The following STRN3 variants were observed in gnomAD, a reference collection of about 807,000 sequenced individuals.
The protein encoded by STRN3 is striatin 3, also known as striatin-3.
In STRN3, 29 loss-of-function variants were observed where a neutral mutation model predicts 95.6. The observed-to-expected ratio is 0.30, with a 90% CI of 0.23 to 0.41. STRN3 has a LOEUF of 0.41. STRN3 is among the 10% of genes least tolerant of loss of function. The pLI, the probability that STRN3 is intolerant of heterozygous loss-of-function variation, is 1.00. For synonymous variants in STRN3, 331 were observed against 357.6 expected (o/e 0.93, Z 0.84); for missense variants, 890 against 972.1 (o/e 0.92, Z 1.12).
At position 31,026,379 on chromosome 14, in the gene STRN3, T is replaced by C; in HGVS notation, c.-194A>G. The C allele has an allele frequency of 5.1e-6, 1 of 195,068 alleles. No homozygotes were observed. Among genetic ancestry groups the C allele is most frequent in the Non-Finnish European group, 9.5e-6 (1 of 105,436 alleles). 12.1% of individuals were successfully genotyped at this position (195,068 alleles called of 1,614,324 possible). A position where few individuals can be genotyped will look rare whatever the true frequency, so the allele number is the denominator to read the frequency against. ...CCGCCATTACAATCCCTCCTCCATCTGCCCGTCTCACTCACTCACTTTAGG... is the reference window on the plus strand; with the variant it reads ...CCGCCATTACAATCCCTCCTCCATCCGCCCGTCTCACTCACTCACTTTAGG... On this transcript the variant is annotated 5_prime_UTR_variant, in exon 1 of 18. Transcript: ENST00000357479.
intron 1 of STRN3, among the ~76,000 whole-genome samples, chr14:30,997,588 AC>A (rs551846304): frequency 5.8e-4 from 88 of 152,116 alleles, no homozygotes; most frequent in African/African-American, 2.1e-3. Flanking sequence ...CCTCCTGACC[AC>A]CCTGGAGGGC....
At chr14:30,950,980 A>T in intron 3 of STRN3, 36 bp from the exon 4 acceptor site, 1 of 1,557,680 alleles carries the variant, frequency 6.4e-7, no homozygotes. Flanking sequence ...TACATACTTT[A>T]TTTCGACTCC....
At chr14:30,971,179 G>T (rs1001909445) in intron 1 of STRN3, among the ~76,000 whole-genome samples, 2 of 152,236 alleles carry the variant, frequency 1.3e-5, no homozygotes, top group Admixed American at 1.3e-4. Flanking sequence ...TCCCCGAGCA[G>T]ATGTGTGGTG....
chr14:30,932,620 T>A (rs2139063124), intron 7 of STRN3, among the ~76,000 whole-genome samples: 1 of 152,318 alleles, frequency 6.6e-6, no homozygotes, highest in East Asian at 1.9e-4. Context: ...ACACAGGTAC[T>A]GTCAAATATT....
intron 1 of STRN3, among the ~76,000 whole-genome samples, chr14:31,023,832 CA>C (rs4011677): frequency 7.0e-6 from 1 of 143,452 alleles, no homozygotes; most frequent in Non-Finnish European, 1.5e-5. Flanking sequence ...ATATATAACT[CA>C]AAAAAAAAAA....
At chr14:30,939,571 T>C (rs1488254516) in intron 5 of STRN3, among the ~76,000 whole-genome samples, 3 of 152,144 alleles carry the variant, frequency 2.0e-5, no homozygotes, top group African/African-American at 7.2e-5. Context: ...TCTTTTGCTG[T>C]TGCTGCTGTT....
rs191203183 is a variant in STRN3, at chr14:30,932,986, T to C, written c.988+2177A>G. Among the ~76,000 whole-genome samples the C allele has an allele frequency of 2.9e-4, 44 of 152,064 alleles. 1 individual carries two copies. The highest frequency in any genetic ancestry group is 1.0e-3 in the Admixed American group (16 of 15,264). ...CAGAATGTTATCCAGCTATTAAAAA[T>C]GATGCTGACTGGGCATGGTGGCTCA... On this transcript the variant is annotated intron_variant, in intron 7 of 17. Coordinates refer to ENST00000357479, the MANE Select transcript of STRN3 (RefSeq NM_001083893.2).
chr14:30,914,291 CAAT>C (rs1025964943), intron 9 of STRN3, among the ~76,000 whole-genome samples: 4 of 152,196 alleles, frequency 2.6e-5, no homozygotes, highest in African/African-American at 9.6e-5. Flanking sequence ...CTTCCACCAA[CAAT>C]GTCAGTTTCC....
chr14:30,977,791 C>CT (rs1384897460), intron 1 of STRN3, among the ~76,000 whole-genome samples: 2 of 45,438 alleles, frequency 4.4e-5, no homozygotes, highest in Non-Finnish European at 8.4e-5. Flanking sequence ...AAGACTCTAT[C>CT]TCGAAAAAAA....
chr14:30,953,766 A>G (rs8018402), intron 3 of STRN3, among the ~76,000 whole-genome samples: 98,318 of 151,910 alleles, frequency 0.65, 32,615 homozygotes, highest in Non-Finnish European at 0.73. Flanking sequence ...AATAGCTGGG[A>G]CTACAGGCAT....
At position 31,007,930 on chromosome 14, in the gene STRN3, C is replaced by T. The variant is rs565739031; in HGVS notation, c.282+17974G>A. On this transcript the variant is annotated intron_variant, in intron 1 of 17. Transcript: ENST00000357479. ...AAATTGGGCCTGGCGTGGTGGCTCA[C>T]ACCTGTAATCCAAGCACTTTGGGAG... Among the ~76,000 whole-genome samples, 5 of 152,220 alleles carry T rather than the reference C, an allele frequency of 3.3e-5. No homozygotes were observed. The East Asian group carries it at 9.6e-4, about 29-fold the overall frequency.
chr14:30,929,954 CAAAAAAAAA>C (rs1191963792), intron 7 of STRN3, among the ~76,000 whole-genome samples: 17 of 40,004 alleles, frequency 4.2e-4, no homozygotes, highest in South Asian at 2.6e-3. Context: ...CTAAGATTAG[CAAAAAAAAA>C]AAAAAAAAAA....
intron 13 of STRN3, among the ~76,000 whole-genome samples, chr14:30,908,537 A>G (rs1896526601): frequency 6.6e-6 from 1 of 152,120 alleles, no homozygotes; most frequent in Non-Finnish European, 1.5e-5. Flanking sequence ...TCTGGCCAAG[A>G]CCTGGGTGAC....
intron 15 of STRN3, among the ~76,000 whole-genome samples, chr14:30,903,207 G>A (rs1397546726): frequency 6.6e-6 from 1 of 151,804 alleles, no homozygotes; most frequent in Non-Finnish European, 1.5e-5. Flanking sequence ...ATAGACTTTA[G>A]ATCATTCATT....
At chr14:31,025,527 A>C in intron 1 of STRN3, 1 of 245,552 alleles carries the variant, frequency 4.1e-6, no homozygotes. Context: ...CTCAAGAGGA[A>C]CAAACAAGAG....
intron 1 of STRN3, among the ~76,000 whole-genome samples, chr14:31,004,930 C>A (rs1196968851): frequency 1.3e-5 from 2 of 152,032 alleles, no homozygotes; most frequent in African/African-American, 4.8e-5. Flanking sequence ...CAGAAACAGT[C>A]TGGTCTGTGC....
intron 13 of STRN3, among the ~76,000 whole-genome samples, chr14:30,909,681 T>C (rs932469700): frequency 6.6e-6 from 1 of 152,170 alleles, no homozygotes; most frequent in African/African-American, 2.4e-5. Context: ...TCTCACTGTG[T>C]TGCCCAGGCT....
chr14:30,972,146 C>A (rs1368964753), intron 1 of STRN3, among the ~76,000 whole-genome samples: 3 of 152,166 alleles, frequency 2.0e-5, no homozygotes, highest in African/African-American at 4.8e-5. Flanking sequence ...GTAAAGCAAT[C>A]TTTTTCGATT....
intron 1 of STRN3, among the ~76,000 whole-genome samples, chr14:30,990,508 A>G (rs902804965): frequency 6.6e-6 from 1 of 152,150 alleles, no homozygotes; most frequent in Non-Finnish European, 1.5e-5. Flanking sequence ...TGTACTTGAT[A>G]TGCAAAAGGG....
Sources: allele counts gnomAD v4.1 joint callset (sites outside exome capture counted in the v4.1 genomes callset), GRCh38; gene constraint gnomAD v4.1.1; transcripts MANE v1.5; gene names NCBI Gene and HGNC (gene_info 2026-07-23, HGNC 2026-07-21).